VPS13A: variants seen among roughly 807,000 people sequenced by gnomAD.
The protein encoded by VPS13A is vacuolar protein sorting 13 homolog A.
VPS13A carries 264 observed loss-of-function variants against 390.9 expected under a neutral mutation model. That is an observed-to-expected ratio of 0.68 (90% confidence interval 0.61 to 0.75). VPS13A has a LOEUF of 0.75. Among genes scored for constraint, VPS13A ranks in the 30% least tolerant of loss-of-function variants. The pLI is 0.00. For synonymous variants in VPS13A, 1,231 were observed against 1,227.1 expected (o/e 1.00, Z -0.07); for missense variants, 3,409 against 3,733.9 (o/e 0.91, Z 2.27).
intron 22 of VPS13A, among the ~76,000 whole-genome samples, chr9:77,254,622 T>A (rs1825338609): frequency 6.6e-6 from 1 of 152,244 alleles, no homozygotes; most frequent in Non-Finnish European, 1.5e-5. Flanking sequence ...CTTTGAATAG[T>A]ATTGACATCT....
chr9:77,410,347 A>G (rs902235700), intron 71 of VPS13A, among the ~76,000 whole-genome samples: 52 of 152,338 alleles, frequency 3.4e-4, no homozygotes, highest in African/African-American at 1.2e-3. Flanking sequence ...AAACATGCCA[A>G]ATTGTAAAGA....
At chr9:77,411,602 G>C (rs1337664314) in intron 71 of VPS13A, among the ~76,000 whole-genome samples, 1 of 136,170 alleles carries the variant, frequency 7.3e-6, no homozygotes, top group Non-Finnish European at 1.5e-5. Flanking sequence ...GGCGGAGCTT[G>C]CAATCAGCCG....
Position 77,344,243 on chromosome 9 carries a change from A to G in VPS13A, c.7117A>G (p.Lys2373Glu), listed in dbSNP as rs751521392. 9 of 1,613,414 alleles carry G rather than the reference A, an allele frequency of 5.6e-6. No individual in the cohort carries two copies. The highest frequency in any genetic ancestry group is 7.6e-6 in the Non-Finnish European group (9 of 1,179,698). Residue 2373 changes from lysine to glutamate, a missense_variant, in exon 51 of 72, where the codon AAG (lysine) becomes GAG (glutamate). Around this residue, in one of 5 missense-constraint regions of VPS13A, gnomAD observed 2,717 missense variants for 2,917.4 expected, o/e 0.93. Coordinates refer to ENST00000360280, the MANE Select transcript of VPS13A (RefSeq NM_033305.3). ...TCCTCCCAAAAGGATATATTTTAAC[A>G]AGCAGGAAAATTGTATTCTATTGCG... ...EDPPKRIYFN[K>E]QENCILLRLD...
chr9:77,201,300 A>C, intron 2 of VPS13A, 65 bp from the exon 3 acceptor site: 2 of 1,111,982 alleles, frequency 1.8e-6, no homozygotes, highest in Admixed American at 1.8e-5. Context: ...AGTAAAGAGT[A>C]TTCATTTATG....
chr9:77,404,284 G>A (rs193035083), intron 69 of VPS13A, among the ~76,000 whole-genome samples: 22 of 152,104 alleles, frequency 1.4e-4, no homozygotes, highest in Admixed American at 6.5e-5. Flanking sequence ...ACATTTTAAT[G>A]TAGATGAAAT....
intron 42 of VPS13A, among the ~76,000 whole-genome samples, chr9:77,320,309 A>G (rs1829665766): frequency 6.6e-6 from 1 of 152,154 alleles, no homozygotes; most frequent in South Asian, 2.1e-4. Flanking sequence ...TGCCTGTGTC[A>G]TCATCTTGTA....
At position 77,212,987 on chromosome 9, in the gene VPS13A, G is replaced by T; in HGVS notation, c.574G>T (p.Val192Phe). ...TTTTCAGACAACTGATCAATACTGG[G>T]TTCCATGTTTACATGATGAAACTGA... The part of the protein sequence containing the change: ...LSMQTTDQYW[V>F]PCLHDETEKL... The change falls in exon 8 of 72, where the codon GTT becomes TTT. Residue 192 changes from valine to phenylalanine, a missense_variant. Transcript: ENST00000360280. 1.2e-6 allele frequency: 2 copies of T among 1,613,832 alleles called. No homozygotes were observed. Among genetic ancestry groups the T allele is most frequent in the Non-Finnish European group, 1.7e-6 (2 of 1,179,944 alleles).
chr9:77,278,504 T>A (rs1283859984), intron 26 of VPS13A, among the ~76,000 whole-genome samples: 1 of 152,236 alleles, frequency 6.6e-6, no homozygotes, highest in Non-Finnish European at 1.5e-5. Flanking sequence ...TGTTTCTGTT[T>A]TCTCAGAGGG....
In VPS13A at chr9:77,333,492, C is replaced by T. The variant is rs554523531; in HGVS notation, c.6095+1379C>T. On this transcript the variant is annotated intron_variant, in intron 46 of 71. Transcript: ENST00000360280. Reference sequence around the variant, plus strand: ...TGTTGCCCAGGCTGGAGTGCAATGGCGGGATCTCAGCTCCCAGGTTCAAGC... The same window carrying T: ...TGTTGCCCAGGCTGGAGTGCAATGGTGGGATCTCAGCTCCCAGGTTCAAGC... Among the ~76,000 whole-genome samples the T allele has an allele frequency of 5.3e-5, 7 of 132,006 alleles. No homozygotes were observed. The East Asian group carries it at 6.9e-4, about 13-fold the overall frequency. The allele number at this position is 132,006 out of a possible 152,430, so 86.6% of individuals were successfully genotyped here.
Position 77,318,430 on chromosome 9 carries a change from A to C in VPS13A, c.5152A>C (p.Lys1718Gln). 6.2e-7 allele frequency: 1 copy of C among 1,613,900 alleles called. No individual in the cohort carries two copies. Among genetic ancestry groups the C allele is most frequent in the Non-Finnish European group, 8.5e-7 (1 of 1,179,884 alleles). Reference sequence around the variant, plus strand: ...AGCTCCCACAACTGAATTGGTACCCAAAGGCGAGATGATAAAAATGAACAT... The same window carrying C: ...AGCTCCCACAACTGAATTGGTACCCCAAGGCGAGATGATAAAAATGAACAT... ...KIAPTTELVP[K>Q]GEMIKMNIDS... Residue 1718 changes from lysine (K) to glutamine (Q), a missense_variant, in exon 41 of 72, where the codon AAA (lysine) becomes CAA (glutamine). Transcript: ENST00000360280.
intron 31 of VPS13A, among the ~76,000 whole-genome samples, chr9:77,288,477 A>G (rs573430973): frequency 4.1e-4 from 63 of 152,218 alleles, no homozygotes; most frequent in African/African-American, 1.5e-3. Flanking sequence ...TTTTATTTTC[A>G]TTCAATTCAA....
intron 54 of VPS13A, 130 bp downstream of exon 54, chr9:77,353,771 C>A: frequency 1.1e-6 from 1 of 926,206 alleles, no homozygotes; most frequent in Non-Finnish European, 1.6e-6. Flanking sequence ...TGTGGTAGTG[C>A]TAGTTTTAAA....
chr9:77,209,296 A>G lies in VPS13A; in HGVS notation c.386-127A>G, dbSNP rs576980714. 126 of 678,554 alleles carry G rather than the reference A, an allele frequency of 1.9e-4. 3 individuals carry two copies. The highest frequency in any genetic ancestry group is 1.8e-3 in the South Asian group (98 of 53,080). The allele number at this position is 678,554 out of a possible 1,614,324, so 42.0% of individuals were successfully genotyped here. The stretch of plus-strand genomic sequence containing the variant: ...TTGAAAGACTTTTGGAAAGCAAGCT[A>G]TTAGTGTTCTATTTACATATATATG... On this transcript the variant is annotated intron_variant, in intron 5 of 71. Transcript: ENST00000360280.
At chr9:77,292,465 G>A (rs553411365) in intron 31 of VPS13A, among the ~76,000 whole-genome samples, 1 of 151,978 alleles carries the variant, frequency 6.6e-6, no homozygotes, top group Non-Finnish European at 1.5e-5. Flanking sequence ...ATAGTTTATC[G>A]GGTTTTTTTT....
In VPS13A at chr9:77,369,333, T is replaced by A. The variant is rs986562076; in HGVS notation, c.8588T>A (p.Leu2863His). ...CAGATGTATGTACTCATTCTTGGACTTGATGTTTTGGGAAATCCATTTGGC... is the reference window on the plus strand; with the variant it reads ...CAGATGTATGTACTCATTCTTGGACATGATGTTTTGGGAAATCCATTTGGC... ...IKQMYVLILGLDVLGNPFGLI... is the reference protein window; with the variant it reads ...IKQMYVLILGHDVLGNPFGLI... The change falls in exon 63 of 72, where the codon CTT becomes CAT. Residue 2863 changes from leucine to histidine, a missense_variant. By Grantham distance (99) the Leu-to-His change is moderately conservative. Transcript: ENST00000360280. 6.2e-7 allele frequency: 1 copy of A among 1,613,818 alleles called. No individual in the cohort carries two copies. Among genetic ancestry groups the A allele is most frequent in the Admixed American group, 1.7e-5 (1 of 60,022 alleles).
intron 52 of VPS13A, among the ~76,000 whole-genome samples, chr9:77,348,077 G>T (rs1212359078): frequency 2.0e-5 from 3 of 152,134 alleles, no homozygotes; most frequent in African/African-American, 7.2e-5. Flanking sequence ...ATTCCTCAAA[G>T]ACCTAGAACC....
chr9:77,369,169 A>G (rs1465646229), intron 62 of VPS13A, 130 bp from the exon 63 acceptor site: 1 of 705,458 alleles, frequency 1.4e-6, no homozygotes, highest in East Asian at 2.7e-5. Context: ...TAATAAAATG[A>G]GATGGTTTAG....
At chr9:77,205,283 G>A in intron 3 of VPS13A, 30 bp from the exon 4 acceptor site, 1 of 1,223,926 alleles carries the variant, frequency 8.2e-7, no homozygotes, top group Non-Finnish European at 1.1e-6. Flanking sequence ...AATATTTTTT[G>A]TCCTTTTTTT....
At chr9:77,410,532 C>T (rs1834869761) in intron 71 of VPS13A, among the ~76,000 whole-genome samples, 1 of 152,170 alleles carries the variant, frequency 6.6e-6, no homozygotes, top group African/African-American at 2.4e-5. Context: ...CATCAGTGTG[C>T]TGTATTCAGG....
Sources: allele counts gnomAD v4.1 joint callset (sites outside exome capture counted in the v4.1 genomes callset), GRCh38; gene constraint gnomAD v4.1.1; regional missense constraint gnomAD v4.1.1; transcripts MANE v1.5; gene names NCBI Gene and HGNC (gene_info 2026-07-23, HGNC 2026-07-21).